TIAM1: variants seen among roughly 807,000 people sequenced by gnomAD.
TIAM1 encodes rho guanine nucleotide exchange factor TIAM1.
In TIAM1, 65 loss-of-function variants were observed where a neutral mutation model predicts 163.5. The observed-to-expected ratio is 0.40, with a 90% CI of 0.33 to 0.49. TIAM1 has a LOEUF of 0.49. Ranked by LOEUF, TIAM1 falls within the 20% of genes least tolerant of loss-of-function variation. TIAM1 has a pLI of 0.77. For missense variants in TIAM1, 1,789 were observed against 2,044.7 expected, an observed-to-expected ratio of 0.87 and a Z score of 2.41; for synonymous variants, 833 against 810.1, an observed-to-expected ratio of 1.03 and a Z score of -0.48.
rs1406542359 is a variant in TIAM1, at chr21:31,119,085, G to T, written c.*1283C>A. ...AAGTGGACATTGTGACATGGGAAAA[G>T]AAAAAGCTATAAACCTTTTTTTAAA... On this transcript the variant is annotated 3_prime_UTR_variant, in exon 28 of 28. Coordinates refer to ENST00000541036, the MANE Select transcript of TIAM1 (RefSeq NM_001353694.2). 7.0e-6 allele frequency: 1 copy of T among 142,352 alleles called. No homozygotes were observed. The highest frequency in any genetic ancestry group is 6.9e-5 in the Admixed American group (1 of 14,464). The allele number at this position is 142,352 out of a possible 1,614,324, so 8.8% of individuals were successfully genotyped here. A position where few individuals can be genotyped will look rare whatever the true frequency, so the allele number is the denominator to read the frequency against.
rs187756994 is a variant in TIAM1, at chr21:31,436,333, C to A, written c.-369+27650G>T. ...GACTCTTGTTCCCAAAAGATAAATT[C>A]ATTTATCTAAAGTATACGCCAGAGC... On this transcript the variant is annotated intron_variant, in intron 2 of 28. Coordinates refer to the TIAM1 transcript ENST00000286827. Among the ~76,000 whole-genome samples the A allele has an allele frequency of 3.7e-4, 57 of 152,318 alleles. 1 individual carries two copies. The highest frequency in any genetic ancestry group is 1.2e-3 in the Admixed American group (18 of 15,288).
rs58755974 is a variant in TIAM1, at chr21:31,479,369, T to TTGGA, written c.-421-15338_-421-15335dup. 2.1e-3 allele frequency among the ~76,000 whole-genome samples: 309 copies of TTGGA among 149,720 alleles called. 3 individuals carry two copies. Among genetic ancestry groups the TTGGA allele is most frequent in the East Asian group, 0.017 (85 of 5,074 alleles). ...TATAATTATGCATGTGGATGGATGATTGGATGGATGGATGGATGGATGGAT... is the reference window on the plus strand; with the variant it reads ...TATAATTATGCATGTGGATGGATGATTGGATGGATGGATGGATGGATGGATGGAT... On this transcript the variant is annotated intron_variant, in intron 1 of 28. Coordinates refer to the TIAM1 transcript ENST00000286827.
rs141365451 is a variant in TIAM1 at position 31,137,400 on chromosome 21, T to C, written c.3775-1359A>G. Among the ~76,000 whole-genome samples, 860 of 152,288 alleles carry C rather than the reference T, an allele frequency of 5.6e-3. 7 individuals carry two copies. Among genetic ancestry groups the C allele is most frequent in the African/African-American group, 0.019 (809 of 41,556 alleles). The stretch of plus-strand genomic sequence containing the variant: ...ATTTTTAAGCAGCCATATTATTTTG[T>C]CTATAGATATTAAGTAACTCATCAA... On this transcript the variant is annotated intron_variant, in intron 22 of 27. Coordinates refer to ENST00000541036, the MANE Select transcript of TIAM1 (RefSeq NM_001353694.2).
intron 2 of TIAM1, among the ~76,000 whole-genome samples, chr21:31,402,284 C>A (rs2077179047): frequency 6.6e-6 from 1 of 152,038 alleles, no homozygotes; most frequent in African/African-American, 2.4e-5. Context: ...GAGGAAAGGT[C>A]AGGTAGTATT....
At position 31,124,582 on chromosome 21, in the gene TIAM1, G is replaced by C; in HGVS notation, c.4246C>G (p.Pro1416Ala). 6.2e-7 allele frequency: 1 copy of C among 1,613,864 alleles called. No individual in the cohort carries two copies. Among genetic ancestry groups the C allele is most frequent in the Non-Finnish European group, 8.5e-7 (1 of 1,179,912 alleles). ...ESLPSSQQYV[P>A]FGGKRLCALK... ...GCACACAATCTTTTGCCTCCAAAAG[G>C]GACATATTGCTGGGATGAGGGAAGG... Residue 1416 changes from proline (P) to alanine (A), a missense_variant, in exon 27 of 28, where the codon CCT becomes GCT. By Grantham distance (27) the Pro-to-Ala change is conservative. Around this residue, in one of 5 missense-constraint regions of TIAM1, gnomAD observed 415 missense variants for 439.2 expected, o/e 0.94. Transcript: ENST00000541036.
At position 31,251,752 on chromosome 21, in the gene TIAM1, C is replaced by G; in HGVS notation, c.1401G>C (p.Val467=). Reference sequence around the variant, plus strand: ...CCCTCCCGCTCTCACCTTTCAGGGACACCCAGTAGTGCTTCCACTTCCTCC... The same window carrying G: ...CCCTCCCGCTCTCACCTTTCAGGGAGACCCAGTAGTGCTTCCACTTCCTCC... ...ATRRKWKHYW[V]SLKGCTLFFY... is the part of the protein sequence containing the mutation. Residue 467 remains valine (V), a synonymous_variant, in exon 5 of 28, where the codon GTG becomes GTC. Transcript: ENST00000541036. The G allele has an allele frequency of 1.3e-6, 2 of 1,589,526 alleles. No homozygotes were observed. Among genetic ancestry groups the G allele is most frequent in the Non-Finnish European group, 1.7e-6 (2 of 1,164,726 alleles).
rs1268250675 is a variant in TIAM1, at chr21:31,120,529, C to T, written c.4615G>A (p.Gly1539Ser). ...QATSISQRER[G>S]RKTLDSHASR... The stretch of plus-strand genomic sequence containing the variant: ...GCGTGACTATCCAGGGTTTTCCGGC[C>T]TCTTTCCCGCTGACTGATGGAGGTG... The change falls in exon 28 of 28, where the codon GGC becomes AGC. Residue 1539 changes from glycine (G) to serine (S), a missense_variant. Gly to Ser is a moderately conservative substitution (Grantham distance 56). Around this residue, in one of 5 missense-constraint regions of TIAM1, gnomAD observed 415 missense variants for 439.2 expected, o/e 0.94. Coordinates refer to ENST00000541036, the MANE Select transcript of TIAM1 (RefSeq NM_001353694.2). The surrounding 1 kb of genome is among the most constrained non-coding windows in gnomAD (Gnocchi z 4.2). 1 of 1,614,240 alleles carries T rather than the reference C, an allele frequency of 6.2e-7. No homozygotes were observed. The highest frequency in any genetic ancestry group is 2.2e-5 in the East Asian group (1 of 44,872).
At chr21:31,349,693 C>A (rs2076203771) in intron 2 of TIAM1, among the ~76,000 whole-genome samples, 1 of 152,158 alleles carries the variant, frequency 6.6e-6, no homozygotes, top group South Asian at 2.1e-4. Flanking sequence ...CCAGTATAGC[C>A]TCTTGAAAAA....
At chr21:31,270,862 C>T (rs892888773) in intron 3 of TIAM1, among the ~76,000 whole-genome samples, 1 of 152,196 alleles carries the variant, frequency 6.6e-6, no homozygotes, top group Non-Finnish European at 1.5e-5. Flanking sequence ...CTTCCTTAGC[C>T]TGCCTCAGGG....
At chr21:31,448,900 C>T (rs1424973578) in intron 2 of TIAM1, among the ~76,000 whole-genome samples, 1 of 152,128 alleles carries the variant, frequency 6.6e-6, no homozygotes, top group Non-Finnish European at 1.5e-5. Context: ...GGTACTTGAC[C>T]TCTCCCAACC....
chr21:31,428,751 C>A (rs2043888957), intron 2 of TIAM1, among the ~76,000 whole-genome samples: 1 of 151,700 alleles, frequency 6.6e-6, no homozygotes, highest in Admixed American at 6.6e-5. Context: ...GGCATAATGG[C>A]ACATGCCTGT....
chr21:31,416,015 A>G (rs1254904374), intron 2 of TIAM1, among the ~76,000 whole-genome samples: 1 of 152,166 alleles, frequency 6.6e-6, no homozygotes, highest in African/African-American at 2.4e-5. Flanking sequence ...CATAGATTTC[A>G]TTCTTCCCTA....
intron 1 of TIAM1, among the ~76,000 whole-genome samples, chr21:31,516,231 G>A (rs1404180565): frequency 1.3e-5 from 2 of 151,942 alleles, no homozygotes; most frequent in Non-Finnish European, 2.9e-5. Flanking sequence ...GGCCAACATG[G>A]TGAAACCCCA....
At chr21:31,356,377 C>T (rs2076317127) in intron 2 of TIAM1, among the ~76,000 whole-genome samples, 2 of 152,188 alleles carry the variant, frequency 1.3e-5, no homozygotes, top group South Asian at 4.1e-4. Context: ...CCACAGCTCA[C>T]ACCTCCCATC....
intron 2 of TIAM1, among the ~76,000 whole-genome samples, chr21:31,419,064 G>A (rs1340487889): frequency 6.6e-6 from 1 of 152,078 alleles, no homozygotes; most frequent in African/African-American, 2.4e-5. Context: ...CCTCCTGAAG[G>A]AGCTTCAGCT....
chr21:31,405,513 AC>A (rs1330145975), intron 2 of TIAM1, among the ~76,000 whole-genome samples: 1 of 152,132 alleles, frequency 6.6e-6, no homozygotes, highest in African/African-American at 2.4e-5. Context: ...CATAACTGAG[AC>A]TGGGCAATGT....
At position 31,143,452 on chromosome 21, in the gene TIAM1, T is replaced by TTATATA. The variant is rs61145317; in HGVS notation, c.3476-1954_3476-1949dup. Among the ~76,000 whole-genome samples, 372 of 149,294 alleles carry TTATATA rather than the reference T, an allele frequency of 2.5e-3. 4 individuals carry two copies. Among genetic ancestry groups the TTATATA allele is most frequent in the African/African-American group, 8.7e-3 (355 of 40,716 alleles). On this transcript the variant is annotated intron_variant, in intron 20 of 27. Transcript: ENST00000541036. ...AACAGTGGGAGTGTATATATAATTT[T>TTATATA]TATATATATATATACACACACACAC...
chr21:31,540,756 A>C (rs2048298122), intron 1 of TIAM1, among the ~76,000 whole-genome samples: 1 of 152,242 alleles, frequency 6.6e-6, no homozygotes, highest in Non-Finnish European at 1.5e-5. Flanking sequence ...GGCGTAAGAA[A>C]GATTTAAGTG....
chr21:31,198,911 A>C (rs1394805641), intron 12 of TIAM1, among the ~76,000 whole-genome samples: 1 of 152,240 alleles, frequency 6.6e-6, no homozygotes, highest in African/African-American at 2.4e-5. Context: ...TTTAGTGAAC[A>C]AAACTAAAAC....
Sources: gnomAD v4.1 joint callset for allele counts (sites outside exome capture counted in the v4.1 genomes callset) on GRCh38, gnomAD v4.1.1 for gene constraint, gnomAD v4.1.1 regional missense constraint, Gnocchi (gnomAD v3.1) non-coding constraint, MANE v1.5 for transcripts, NCBI Gene and HGNC (gene_info 2026-07-23, HGNC 2026-07-21) for gene names.